Variants in GPC5 observed in about 807,000 individuals in gnomAD.
GPC5 encodes the protein glypican 5, also known as glypican-5.
In GPC5, 47 loss-of-function variants were observed where a neutral mutation model predicts 53.9. The observed-to-expected ratio is 0.87, with a 90% CI of 0.69 to 1.11. The LOEUF is 1.11. Ranked by LOEUF, GPC5 falls within the 50% of genes most tolerant of loss-of-function variation. The probability of loss-of-function intolerance (pLI) is 0.00; values close to 1 mark genes in which losing one functional copy is unlikely to be tolerated. For synonymous variants in GPC5, 286 were observed against 263.3 expected, an observed-to-expected ratio of 1.09 and a Z score of -0.84; for missense variants, 748 against 713.1, an observed-to-expected ratio of 1.05 and a Z score of -0.56.
At chr13:92,598,089 A>G (rs1373250969) in intron 7 of GPC5, among the ~76,000 whole-genome samples, 1 of 152,166 alleles carries the variant, frequency 6.6e-6, no homozygotes, top group East Asian at 1.9e-4. Context: ...ATGTATTTGA[A>G]CTGGATGAGT....
chr13:91,821,919 A>G lies in GPC5; in HGVS notation c.1280+65499A>G, dbSNP rs138949813. Reference sequence around the variant, plus strand: ...ATTTGAACTAAACAATCAAGGTTTAATGTGTCATACACATGCAAAATAGAA... The same window carrying G: ...ATTTGAACTAAACAATCAAGGTTTAGTGTGTCATACACATGCAAAATAGAA... On this transcript the variant is annotated intron_variant, in intron 5 of 7. Transcript: ENST00000377067. 2.0e-5 allele frequency among the ~76,000 whole-genome samples: 3 copies of G among 152,360 alleles called. No homozygotes were observed. The East Asian group carries it at 5.8e-4, about 29-fold the overall frequency.
At chr13:91,937,113 T>C (rs2039878124) in intron 6 of GPC5, among the ~76,000 whole-genome samples, 1 of 152,024 alleles carries the variant, frequency 6.6e-6, no homozygotes, top group African/African-American at 2.4e-5. Context: ...CTTCCCTAAT[T>C]TAAATGACAA....
chr13:92,379,410 A>G (rs561529150), intron 7 of GPC5, among the ~76,000 whole-genome samples: 11 of 152,264 alleles, frequency 7.2e-5, no homozygotes, highest in African/African-American at 2.6e-4. Context: ...TGTTGGGGCA[A>G]AAAGGAGGGA....
chr13:92,115,214 T>G lies in GPC5; in HGVS notation c.1402-29616T>G, dbSNP rs532768371. On this transcript the variant is annotated intron_variant, in intron 6 of 7. Transcript: ENST00000377067. ...ATGTAACCACCACCAAAATTAAAATTTAAAACAATTCTGGCCAGGTGTGGT... is the reference window on the plus strand; with the variant it reads ...ATGTAACCACCACCAAAATTAAAATGTAAAACAATTCTGGCCAGGTGTGGT... Among the ~76,000 whole-genome samples, 709 of 152,254 alleles carry G rather than the reference T, an allele frequency of 4.7e-3. 1 individual carries two copies. The highest frequency in any genetic ancestry group is 6.8e-3 in the Non-Finnish European group (463 of 68,004).
chr13:92,833,261 A>C lies in GPC5; in HGVS notation c.1562-33021A>C, dbSNP rs144169939. Among the ~76,000 whole-genome samples the C allele has an allele frequency of 7.0e-4, 106 of 152,324 alleles. 2 individuals are homozygous for C. Among genetic ancestry groups the C allele is most frequent in the African/African-American group, 2.4e-3 (100 of 41,588 alleles). On this transcript the variant is annotated intron_variant, in intron 7 of 7. Transcript: ENST00000377067. The stretch of plus-strand genomic sequence containing the variant: ...ACAGCATCTATATAAGTAAAAGGAA[A>C]CCAGCTGTCCCTTGTGACTAATGTA...
chr13:92,094,515 CG>C (rs1311793968), intron 6 of GPC5, among the ~76,000 whole-genome samples: 2 of 95,596 alleles, frequency 2.1e-5, no homozygotes, highest in Non-Finnish European at 4.1e-5. Context: ...AGCAAGACTC[CG>C]TCTCAAAAAA....
chr13:92,342,044 T>C (rs932363203), intron 7 of GPC5, among the ~76,000 whole-genome samples: 1 of 152,142 alleles, frequency 6.6e-6, no homozygotes, highest in Non-Finnish European at 1.5e-5. Flanking sequence ...GTTTAATATA[T>C]TGGCTTCTCA....
At chr13:92,276,744 A>G (rs1050046688) in intron 7 of GPC5, among the ~76,000 whole-genome samples, 5 of 152,126 alleles carry the variant, frequency 3.3e-5, no homozygotes, top group Non-Finnish European at 1.5e-5. Flanking sequence ...ACTATACAAT[A>G]TCCTAAGATG....
chr13:92,635,184 T>C (rs1885373495), intron 7 of GPC5, among the ~76,000 whole-genome samples: 1 of 152,174 alleles, frequency 6.6e-6, no homozygotes, highest in African/African-American at 2.4e-5. Flanking sequence ...TATATGTGTA[T>C]ATACTTATCT....
At chr13:92,757,552 A>G (rs1381400324) in intron 7 of GPC5, among the ~76,000 whole-genome samples, 3 of 152,136 alleles carry the variant, frequency 2.0e-5, no homozygotes, top group Non-Finnish European at 2.9e-5. Flanking sequence ...GCAACCTACA[A>G]AATGGGAGAA....
At chr13:92,604,513 C>T (rs74107075) in intron 7 of GPC5, among the ~76,000 whole-genome samples, 5,181 of 152,216 alleles carry the variant, frequency 0.034, 159 homozygotes, top group Admixed American at 0.1. Context: ...TTTATTTTTT[C>T]AAGTTAACCC....
At chr13:91,588,514 T>G (rs1203823229) in intron 2 of GPC5, among the ~76,000 whole-genome samples, 3 of 152,068 alleles carry the variant, frequency 2.0e-5, no homozygotes, top group African/African-American at 7.2e-5. Context: ...CTAAACAATT[T>G]TTCCCCCTCT....
At chr13:92,533,157 A>G (rs765178104) in intron 7 of GPC5, among the ~76,000 whole-genome samples, 2 of 152,190 alleles carry the variant, frequency 1.3e-5, no homozygotes, top group African/African-American at 2.4e-5. Context: ...GGGAAAAACA[A>G]TTTAATATGC....
At chr13:92,521,129 A>T (rs533900958) in intron 7 of GPC5, among the ~76,000 whole-genome samples, 3 of 152,304 alleles carry the variant, frequency 2.0e-5, no homozygotes, top group African/African-American at 7.2e-5. Context: ...ATAAAAGAGG[A>T]TATAAACAAG....
intron 7 of GPC5, among the ~76,000 whole-genome samples, chr13:92,286,781 T>C (rs1422558416): frequency 6.6e-6 from 1 of 151,826 alleles, no homozygotes; most frequent in Admixed American, 6.6e-5. Context: ...AGATACCTAA[T>C]GTAAATGATG....
chr13:92,036,318 T>G (rs1216226326), intron 6 of GPC5, among the ~76,000 whole-genome samples: 1 of 152,230 alleles, frequency 6.6e-6, no homozygotes, highest in African/African-American at 2.4e-5. Context: ...GGCAAAGATA[T>G]CATTTTATGG....
At chr13:92,761,910 C>T (rs1875191847) in intron 7 of GPC5, among the ~76,000 whole-genome samples, 1 of 151,960 alleles carries the variant, frequency 6.6e-6, no homozygotes, top group South Asian at 2.1e-4. Flanking sequence ...AACCTGGCAG[C>T]TGAGAATATT....
chr13:91,644,120 A>G (rs2034501875), intron 2 of GPC5, among the ~76,000 whole-genome samples: 1 of 152,176 alleles, frequency 6.6e-6, no homozygotes, highest in South Asian at 2.1e-4. Context: ...TGTGACTACT[A>G]GAAACTTTAA....
chr13:92,051,042 TG>T (rs886494572), intron 6 of GPC5, among the ~76,000 whole-genome samples: 10 of 152,182 alleles, frequency 6.6e-5, no homozygotes, highest in African/African-American at 2.2e-4. Context: ...GAGTACAGTT[TG>T]AGAGATGACT....
Sources: allele counts gnomAD v4.1 joint callset (sites outside exome capture counted in the v4.1 genomes callset), GRCh38; gene constraint gnomAD v4.1.1; transcripts MANE v1.5; gene names NCBI Gene and HGNC (gene_info 2026-07-23, HGNC 2026-07-21).